The following ZNF93 variants were observed in gnomAD, a reference collection of about 807,000 sequenced individuals.
The protein encoded by ZNF93 is zinc finger protein 505.
A neutral mutation model predicts 45.0 loss-of-function variants in ZNF93; 29 were observed. The ratio of observed to expected loss-of-function variants is 0.64; its 90% CI spans 0.48 to 0.88. The LOEUF (loss-of-function observed/expected upper bound fraction) is 0.88. Among genes scored for constraint, ZNF93 ranks in the 40% least tolerant of loss-of-function variants. ZNF93 has a pLI of 0.00. For missense variants in ZNF93, 578 were observed against 724.0 expected, an observed-to-expected ratio of 0.80 and a Z score of 2.31; for synonymous variants, 223 against 244.6, an observed-to-expected ratio of 0.91 and a Z score of 0.82.
chr19:19,905,029 C>T (rs1233779624), intron 1 of ZNF93, among the ~76,000 whole-genome samples: 1 of 152,196 alleles, frequency 6.6e-6, no homozygotes, highest in Non-Finnish European at 1.5e-5. Flanking sequence ...CCCCCAGACA[C>T]TGAATCTGCA....
At chr19:19,910,661 T>C (rs2063305221) in intron 1 of ZNF93, among the ~76,000 whole-genome samples, 1 of 152,040 alleles carries the variant, frequency 6.6e-6, no homozygotes, top group South Asian at 2.1e-4. Context: ...TTTTTTTTTT[T>C]TTTTTCATGT....
rs1329463198 is a variant in ZNF93, at chr19:19,934,434, C to T, written c.1479C>T (p.Ser493=). Residue 493 remains serine, a synonymous_variant, in exon 4 of 4, where the codon TCC becomes TCT. Coordinates refer to ENST00000343769, the MANE Select transcript of ZNF93 (RefSeq NM_031218.4). ...CEECGKAFNQ[S]SSLTKHKKIH... ...AATGTGGCAAAGCTTTTAACCAGTC[C>T]TCTTCCCTTACTAAACATAAGAAAA... 1 of 1,613,070 alleles carries T rather than the reference C, an allele frequency of 6.2e-7. No homozygotes were observed. Among genetic ancestry groups the T allele is most frequent in the Non-Finnish European group, 8.5e-7 (1 of 1,179,980 alleles).
chr19:19,906,040 A>G (rs1236697387), intron 1 of ZNF93, among the ~76,000 whole-genome samples: 2 of 152,204 alleles, frequency 1.3e-5, no homozygotes, highest in Non-Finnish European at 2.9e-5. Context: ...GACAGGGTAT[A>G]TACCCAATTA....
chr19:19,901,426 C>A (rs867151013), intron 1 of ZNF93, among the ~76,000 whole-genome samples: 2 of 152,150 alleles, frequency 1.3e-5, no homozygotes, highest in African/African-American at 2.4e-5. Flanking sequence ...AGTGCGGGTT[C>A]ACGAATGGGA....
Position 19,934,730 on chromosome 19 carries a change from C to A in ZNF93, c.1775C>A (p.Pro592Gln). 6.2e-7 allele frequency: 1 copy of A among 1,613,088 alleles called. No individual in the cohort carries two copies. Residue 592 changes from proline (P) to glutamine (Q), a missense_variant, in exon 4 of 4, where the codon CCA (proline) becomes CAA (glutamine). Coordinates refer to ENST00000343769, the MANE Select transcript of ZNF93 (RefSeq NM_031218.4). ...SHKKIHSGEK[P>Q]YECDKCGKAF... ...AAGAAAATCCATTCTGGAGAGAAAC[C>A]ATACGAGTGTGATAAATGTGGCAAA...
intron 1 of ZNF93, among the ~76,000 whole-genome samples, chr19:19,906,676 G>T (rs187626998): frequency 3.3e-5 from 5 of 152,094 alleles, no homozygotes; most frequent in African/African-American, 1.2e-4. Flanking sequence ...TCATTTAAGT[G>T]TTTAATTTGT....
Position 19,926,201 on chromosome 19 carries a change from C to T in ZNF93, c.227-6981C>T, listed in dbSNP as rs1456190913. The stretch of plus-strand genomic sequence containing the variant: ...TCAAGCCATTCTCGTGCCTCAGTCT[C>T]CCAAGTAGATGGGATTACAGGCATG... On this transcript the variant is annotated intron_variant, in intron 3 of 3. Coordinates refer to ENST00000343769, the MANE Select transcript of ZNF93 (RefSeq NM_031218.4). 6 of 151,004 alleles carry T rather than the reference C, an allele frequency of 4.0e-5. No homozygotes were observed. The East Asian group carries it at 5.8e-4, about 15-fold the overall frequency. The allele number at this position is 151,004 out of a possible 1,614,324, so 9.4% of individuals were successfully genotyped here.
intron 1 of ZNF93, among the ~76,000 whole-genome samples, chr19:19,913,874 T>C (rs1349714754): frequency 6.6e-6 from 1 of 152,210 alleles, no homozygotes; most frequent in Non-Finnish European, 1.5e-5. Flanking sequence ...TGAAGAGCTG[T>C]GTCCACTCTG....
At chr19:19,915,471 A>C in intron 2 of ZNF93, 65 bp downstream of exon 2, 4 of 1,542,356 alleles carry the variant, frequency 2.6e-6, no homozygotes, top group Non-Finnish European at 3.5e-6. Flanking sequence ...TTTTTTGTAG[A>C]ATGTTTTTTA....
chr19:19,917,094 C>T (rs2063326609), intron 3 of ZNF93, among the ~76,000 whole-genome samples: 1 of 151,994 alleles, frequency 6.6e-6, no homozygotes, highest in Non-Finnish European at 1.5e-5. Flanking sequence ...TCTTTATAGT[C>T]CATTCTATTT....
chr19:19,900,987 C>G lies in ZNF93; in HGVS notation c.-102C>G, dbSNP rs369151810. 4 of 1,558,404 alleles carry G rather than the reference C, an allele frequency of 2.6e-6. No individual in the cohort carries two copies. The highest frequency in any genetic ancestry group is 1.7e-4 in the Middle Eastern group (1 of 5,960). The stretch of plus-strand genomic sequence containing the variant: ...GGAGCTCCAGGTCTCCTCTTCACTA[C>G]TCTGTGTCCTGTGCTCCTACAGGCC... On this transcript the variant is annotated 5_prime_UTR_variant, in exon 1 of 4. Coordinates refer to ENST00000343769, the MANE Select transcript of ZNF93 (RefSeq NM_031218.4).
At chr19:19,908,856 A>AG (rs2063300125) in intron 1 of ZNF93, 1 of 155,400 alleles carries the variant, frequency 6.4e-6, no homozygotes, top group South Asian at 2.0e-4. Flanking sequence ...AAAAAAAAAA[A>AG]AAAAAAAAAA....
chr19:19,932,689 T>C, intron 3 of ZNF93: 1 of 152,410 alleles, frequency 6.6e-6, no homozygotes. Flanking sequence ...TTTATTAGTC[T>C]ACTTTTTCAC....
Position 19,930,596 on chromosome 19 carries a change from A to G in ZNF93, c.227-2586A>G, listed in dbSNP as rs181182491. ...AGACGCTGGCATTACTGCTAGACCA[A>G]GGAGCCCTCTGGTGGCCTTGTCTGG... On this transcript the variant is annotated intron_variant, in intron 3 of 3. Coordinates refer to ENST00000343769, the MANE Select transcript of ZNF93 (RefSeq NM_031218.4). Among the ~76,000 whole-genome samples the G allele has an allele frequency of 2.4e-4, 36 of 148,278 alleles. 1 individual carries two copies. In the East Asian group the frequency reaches 7.4e-3, roughly 30 times the overall value.
Position 19,906,278 on chromosome 19 carries a change from A to G in ZNF93, c.3+5187A>G, listed in dbSNP as rs536046211. Among the ~76,000 whole-genome samples the G allele has an allele frequency of 4.0e-5, 6 of 150,450 alleles. No individual in the cohort carries two copies. The East Asian group carries it at 1.2e-3, about 29-fold the overall frequency. ...TTGTGGTTTTTCTTTAATTTCTGTA[A>G]TGATTAGTGATGAACTTTTTTTTCA... is the stretch of plus-strand genomic sequence containing the variant. On this transcript the variant is annotated intron_variant, in intron 1 of 3. Coordinates refer to ENST00000343769, the MANE Select transcript of ZNF93 (RefSeq NM_031218.4).
rs2063383921 is a variant in ZNF93 at position 19,934,016 on chromosome 19, C to G, written c.1061C>G (p.Ser354Ter). ...TGTGGCAAAGCCTTTATTGCATCCT[C>G]AACCCTTAGTAGACATGAGTTCATT... is the stretch of plus-strand genomic sequence containing the variant. ...NKCGKAFIAS[S>*]TLSRHEFIHM... is the part of the protein sequence containing the mutation. The change falls in exon 4 of 4, where the codon TCA becomes TGA. Residue 354 changes from serine to a stop codon, truncating the protein, a stop_gained. Transcript: ENST00000343769. LOFTEE classifies it high-confidence loss of function. The G allele has an allele frequency of 1.9e-6, 3 of 1,613,022 alleles. No homozygotes were observed. Among genetic ancestry groups the G allele is most frequent in the Non-Finnish European group, 2.5e-6 (3 of 1,179,582 alleles).
At chr19:19,905,486 A>C (rs569236633) in intron 1 of ZNF93, among the ~76,000 whole-genome samples, 1 of 152,222 alleles carries the variant, frequency 6.6e-6, no homozygotes, top group East Asian at 1.9e-4. Flanking sequence ...TTTCTGCATT[A>C]GTTTTCTAAG....
chr19:19,929,961 AAG>A (rs1568513202), intron 3 of ZNF93, among the ~76,000 whole-genome samples: 2 of 148,342 alleles, frequency 1.3e-5, no homozygotes, highest in Admixed American at 6.7e-5. Flanking sequence ...AAAAAAAAAA[AAG>A]AGATTGTAGA....
At chr19:19,920,487 CT>C (rs1377144153) in intron 3 of ZNF93, among the ~76,000 whole-genome samples, 1 of 152,192 alleles carries the variant, frequency 6.6e-6, no homozygotes, top group Non-Finnish European at 1.5e-5. Context: ...AGGATTCCCT[CT>C]TTTTCTATTG....
Sources: allele counts gnomAD v4.1 joint callset (sites outside exome capture counted in the v4.1 genomes callset), GRCh38; gene constraint gnomAD v4.1.1; transcripts MANE v1.5; gene names NCBI Gene and HGNC (gene_info 2026-07-23, HGNC 2026-07-21).